The following MGAT4C variants were observed in gnomAD, a reference collection of about 807,000 sequenced individuals.
MGAT4C encodes MGAT4 family member C.
MGAT4C carries 19 observed loss-of-function variants against 40.1 expected under a neutral mutation model. That is an observed-to-expected ratio of 0.47 (90% confidence interval 0.33 to 0.70). The LOEUF is 0.70. Among genes scored for constraint, MGAT4C ranks in the 30% least tolerant of loss-of-function variants. MGAT4C has a pLI of 0.02. For missense variants in MGAT4C, 491 were observed against 563.2 expected (o/e 0.87, Z 1.30); for synonymous variants, 181 against 187.1 (o/e 0.97, Z 0.27).
At chr12:86,241,313 T>C (rs957353349) in intron 1 of MGAT4C, among the ~76,000 whole-genome samples, 3 of 152,146 alleles carry the variant, frequency 2.0e-5, no homozygotes, top group Non-Finnish European at 4.4e-5. Context: ...CATCCATTGG[T>C]GATTCTTTTC....
chr12:86,383,311 G>T (rs773235681), intron 3 of MGAT4C, among the ~76,000 whole-genome samples: 1 of 151,940 alleles, frequency 6.6e-6, no homozygotes, highest in Non-Finnish European at 1.5e-5. Flanking sequence ...CAGCACTTTG[G>T]GAGGCCAAGG....
At chr12:86,286,628 G>T (rs7135741) in intron 4 of MGAT4C, among the ~76,000 whole-genome samples, 97,703 of 151,460 alleles carry the variant, frequency 0.65, 32,432 homozygotes, top group South Asian at 0.78. Context: ...ATGTGCAGGT[G>T]TGCTATATTG....
At chr12:86,109,749 A>T (rs1876885643) in intron 1 of MGAT4C, among the ~76,000 whole-genome samples, 1 of 151,990 alleles carries the variant, frequency 6.6e-6, no homozygotes, top group Non-Finnish European at 1.5e-5. Flanking sequence ...TTTTTAAAAA[A>T]AGTGGTAGGC....
intron 4 of MGAT4C, among the ~76,000 whole-genome samples, chr12:86,280,806 C>T (rs1244413984): frequency 6.6e-6 from 1 of 151,554 alleles, no homozygotes; most frequent in African/African-American, 2.4e-5. Context: ...ATTATCATCA[C>T]TTCAGTTTTC....
chr12:86,421,960 A>G (rs1956836559), intron 3 of MGAT4C, among the ~76,000 whole-genome samples: 1 of 152,200 alleles, frequency 6.6e-6, no homozygotes, highest in African/African-American at 2.4e-5. Context: ...GTTATTCTCA[A>G]TTACTTAAAT....
chr12:86,116,963 T>G (rs935892657), intron 1 of MGAT4C, among the ~76,000 whole-genome samples: 7 of 152,084 alleles, frequency 4.6e-5, no homozygotes, highest in African/African-American at 1.7e-4. Flanking sequence ...TTTCTATCAG[T>G]GTGAGGAGAG....
At chr12:86,639,764 A>G (rs1963326228) in intron 2 of MGAT4C, among the ~76,000 whole-genome samples, 1 of 151,714 alleles carries the variant, frequency 6.6e-6, no homozygotes, top group Admixed American at 6.6e-5. Context: ...GATATCCAAT[A>G]GCTGTTGATA....
intron 1 of MGAT4C, among the ~76,000 whole-genome samples, chr12:86,814,311 T>TGAA (rs1566009087): frequency 2.7e-3 from 13 of 4,804 alleles, no homozygotes; most frequent in African/African-American, 0.013. Flanking sequence ...CGTATATATA[T>TGAA]ACGTATATAT....
intron 2 of MGAT4C, among the ~76,000 whole-genome samples, chr12:86,693,262 T>G (rs1036757216): frequency 6.6e-6 from 1 of 152,212 alleles, no homozygotes; most frequent in Admixed American, 6.5e-5. Flanking sequence ...TATTATTATG[T>G]CATGTATACA....
At chr12:86,573,268 C>T (rs1960437972) in intron 2 of MGAT4C, among the ~76,000 whole-genome samples, 1 of 151,928 alleles carries the variant, frequency 6.6e-6, no homozygotes, top group African/African-American at 2.4e-5. Flanking sequence ...CATAATAACA[C>T]ATGCATTTTT....
At chr12:86,227,225 CT>C (rs62931863) in intron 1 of MGAT4C, among the ~76,000 whole-genome samples, 108,667 of 151,330 alleles carry the variant, frequency 0.72, 39,103 homozygotes, top group South Asian at 0.76. Context: ...TTTTAGTCTA[CT>C]TTTTTTACTT....
rs112405598 is a variant in MGAT4C, at chr12:86,191,854, T to A, written c.-57+64385A>T. Among the ~76,000 whole-genome samples the A allele has an allele frequency of 3.3e-3, 476 of 145,402 alleles. 2 individuals carry two copies. The highest frequency in any genetic ancestry group is 0.012 in the African/African-American group (463 of 39,792). Reference sequence around the variant, plus strand: ...GACTTGGAACCAACCCAAATGTCCATCAATGATAGATTGGATTAAGAAAAT... The same window carrying A: ...GACTTGGAACCAACCCAAATGTCCAACAATGATAGATTGGATTAAGAAAAT... On this transcript the variant is annotated intron_variant, in intron 1 of 4. Transcript: ENST00000611864.
rs538296600 is a variant in MGAT4C at position 86,710,341 on chromosome 12, TTGTCTC to T, written c.-229+16862_-229+16867del. Among the ~76,000 whole-genome samples the T allele has an allele frequency of 7.7e-4, 117 of 152,340 alleles. 2 individuals carry two copies. Among genetic ancestry groups the T allele is most frequent in the African/African-American group, 2.8e-3 (116 of 41,586 alleles). On this transcript the variant is annotated intron_variant, in intron 2 of 7. Transcript: ENST00000548651. Reference sequence around the variant, plus strand: ...GCAATTTCTTTAAAGTTATTCATCATTGTCTCTGGTTCCACTTCCAGGGATATGAGT... The same window carrying T: ...GCAATTTCTTTAAAGTTATTCATCATTGGTTCCACTTCCAGGGATATGAGT...
intron 2 of MGAT4C, among the ~76,000 whole-genome samples, chr12:85,996,511 T>C (rs1160965467): frequency 6.6e-6 from 1 of 152,180 alleles, no homozygotes; most frequent in Non-Finnish European, 1.5e-5. Context: ...CAGAGTGTTT[T>C]CTTCGGCAAC....
At chr12:86,600,802 C>T (rs1961741785) in intron 2 of MGAT4C, among the ~76,000 whole-genome samples, 1 of 152,186 alleles carries the variant, frequency 6.6e-6, no homozygotes, top group Non-Finnish European at 1.5e-5. Context: ...GCTGCAGCCG[C>T]CCAGCCATGG....
chr12:86,560,944 A>T (rs925073853), intron 2 of MGAT4C, among the ~76,000 whole-genome samples: 2 of 152,168 alleles, frequency 1.3e-5, no homozygotes, highest in African/African-American at 4.8e-5. Flanking sequence ...ATCAGTGAAT[A>T]CAGTAAAGTT....
intron 2 of MGAT4C, among the ~76,000 whole-genome samples, chr12:86,694,222 T>C (rs1309745557): frequency 3.9e-5 from 6 of 152,188 alleles, no homozygotes; most frequent in African/African-American, 1.4e-4. Flanking sequence ...TTACCACCTC[T>C]ACATCAATTA....
intron 4 of MGAT4C, among the ~76,000 whole-genome samples, chr12:86,308,494 G>C (rs1037615889): frequency 8.7e-5 from 13 of 150,276 alleles, no homozygotes; most frequent in Middle Eastern, 3.2e-3. Flanking sequence ...AAAAATAAAA[G>C]GATGTTTTCT....
intron 2 of MGAT4C, among the ~76,000 whole-genome samples, chr12:86,002,750 C>A (rs977537128): frequency 3.3e-5 from 5 of 149,776 alleles, no homozygotes; most frequent in African/African-American, 1.2e-4. Context: ...GATTATATAT[C>A]ATAATATATA....
Sources: allele counts gnomAD v4.1 joint callset (sites outside exome capture counted in the v4.1 genomes callset), GRCh38; gene constraint gnomAD v4.1.1; transcripts MANE v1.5; gene names NCBI Gene and HGNC (gene_info 2026-07-23, HGNC 2026-07-21).